HDAC4: variants seen among roughly 807,000 people sequenced by gnomAD.
HDAC4 encodes histone deacetylase 4, also known as histone deacetylase A.
In HDAC4, 16 loss-of-function variants were observed where a neutral mutation model predicts 135.1. That is an observed-to-expected ratio of 0.12 (90% CI 0.08 to 0.18). The LOEUF (loss-of-function observed/expected upper bound fraction) is 0.18, where lower values mean the gene tolerates loss of function less well. Among genes scored for constraint, HDAC4 ranks in the 10% least tolerant of loss-of-function variants. The pLI, the probability that HDAC4 is intolerant of heterozygous loss-of-function variation, is 1.00. For missense variants in HDAC4, 1,143 were observed against 1,511.8 expected, an observed-to-expected ratio of 0.76 and a Z score of 4.05; for synonymous variants, 685 against 653.4, an observed-to-expected ratio of 1.05 and a Z score of -0.74.
intron 2 of HDAC4, among the ~76,000 whole-genome samples, chr2:239,334,315 T>A (rs1691775487): frequency 1.3e-5 from 2 of 151,062 alleles, no homozygotes; most frequent in South Asian, 4.2e-4. Context: ...AGGTCAGGAG[T>A]TCGAGACCAG....
intron 1 of HDAC4, among the ~76,000 whole-genome samples, chr2:239,381,833 C>A (rs1193428426): frequency 6.6e-6 from 1 of 152,198 alleles, no homozygotes; most frequent in Non-Finnish European, 1.5e-5. Flanking sequence ...TGACAAATGT[C>A]CCCTGGGGGA....
chr2:239,126,746 A>C, intron 11 of HDAC4, 52 bp from the exon 12 acceptor site: 14 of 1,570,368 alleles, frequency 8.9e-6, no homozygotes, highest in Non-Finnish European at 1.2e-5. Flanking sequence ...AGAAGAGAGG[A>C]GGGAGAGAGG....
At chr2:239,171,800 C>T (rs1017125285) in intron 5 of HDAC4, among the ~76,000 whole-genome samples, 8 of 152,148 alleles carry the variant, frequency 5.3e-5, no homozygotes, top group Non-Finnish European at 4.4e-5. Flanking sequence ...ATGGACAGCT[C>T]ATTTCTGGAG....
rs989185323 is a variant in HDAC4, at chr2:239,117,512, A to G, written c.1534-2202T>C. The stretch of plus-strand genomic sequence containing the variant: ...AGCCAGAAAAGGGATGAATGTGAGC[A>G]GAGCAAAGGCTGGAGTTGAGAACAA... On this transcript the variant is annotated intron_variant, in intron 12 of 26. Transcript: ENST00000543185. 2.2e-4 allele frequency among the ~76,000 whole-genome samples: 33 copies of G among 148,390 alleles called. 1 individual carries two copies. The highest frequency in any genetic ancestry group is 7.7e-4 in the African/African-American group (31 of 40,394).
chr2:239,344,563 C>T (rs991835527), intron 2 of HDAC4, among the ~76,000 whole-genome samples: 1 of 152,092 alleles, frequency 6.6e-6, no homozygotes, highest in African/African-American at 2.4e-5. Context: ...AAAAATAAGT[C>T]CTTATGTCTA....
intron 1 of HDAC4, among the ~76,000 whole-genome samples, chr2:239,383,344 C>G (rs1289920576): frequency 6.6e-6 from 1 of 152,194 alleles, no homozygotes; most frequent in Non-Finnish European, 1.5e-5. Flanking sequence ...GGAGGCTGGA[C>G]AAACGTCAGT....
At chr2:239,130,446 G>A (rs2040494085) in intron 11 of HDAC4, among the ~76,000 whole-genome samples, 1 of 152,212 alleles carries the variant, frequency 6.6e-6, no homozygotes, top group African/African-American at 2.4e-5. Flanking sequence ...AGCTCAGGAA[G>A]GCTACGTAGC....
At chr2:239,392,627 C>T (rs1040258696) in intron 1 of HDAC4, among the ~76,000 whole-genome samples, 9 of 152,188 alleles carry the variant, frequency 5.9e-5, no homozygotes. Flanking sequence ...TCCACAGCCC[C>T]CAGAGGTGGA....
At chr2:239,346,185 C>G (rs577140485) in intron 2 of HDAC4, among the ~76,000 whole-genome samples, 1,486 of 138,812 alleles carry the variant, frequency 0.011, 29 homozygotes, top group African/African-American at 0.038. Flanking sequence ...CACACACACC[C>G]TGTCTAAAAC....
intron 1 of HDAC4, among the ~76,000 whole-genome samples, chr2:239,384,089 C>T (rs1033436237): frequency 6.6e-5 from 10 of 152,334 alleles, no homozygotes; most frequent in African/African-American, 2.4e-4. Flanking sequence ...GGGCAACCCT[C>T]CATCGTGCTC....
chr2:239,398,082 C>CTA (rs1463129884), intron 1 of HDAC4, among the ~76,000 whole-genome samples: 3 of 3,576 alleles, frequency 8.4e-4, no homozygotes, highest in Non-Finnish European at 1.3e-3. Context: ...CCATCCCCAG[C>CTA]TAGTCATCAA....
At chr2:239,330,585 G>A (rs1288812063) in intron 2 of HDAC4, among the ~76,000 whole-genome samples, 1 of 152,356 alleles carries the variant, frequency 6.6e-6, no homozygotes, top group South Asian at 2.1e-4. Flanking sequence ...CCACGTGGCA[G>A]AAGTGGCACA....
chr2:239,337,264 T>G (rs1460120306), intron 2 of HDAC4, among the ~76,000 whole-genome samples: 2 of 152,098 alleles, frequency 1.3e-5, no homozygotes, highest in Admixed American at 1.3e-4. Context: ...CAGATGCACG[T>G]GAGACTCAGC....
chr2:239,314,307 G>A (rs555202225), intron 2 of HDAC4, among the ~76,000 whole-genome samples: 1 of 152,322 alleles, frequency 6.6e-6, no homozygotes, highest in Non-Finnish European at 1.5e-5. Context: ...ATCAGGCACT[G>A]ACCCAAAACA....
intron 2 of HDAC4, among the ~76,000 whole-genome samples, chr2:239,256,490 G>T (rs1411954525): frequency 1.3e-5 from 2 of 152,250 alleles, no homozygotes; most frequent in Non-Finnish European, 2.9e-5. Context: ...GCGGGTTCCA[G>T]CCCCTCCCAG....
At chr2:239,196,795 C>T (rs550881605) in intron 3 of HDAC4, among the ~76,000 whole-genome samples, 102 of 152,264 alleles carry the variant, frequency 6.7e-4, no homozygotes, top group Non-Finnish European at 1.3e-3. Context: ...TGAGTGACCT[C>T]GGGGAATCGA....
intron 24 of HDAC4, among the ~76,000 whole-genome samples, chr2:239,059,774 C>T (rs1276604764): frequency 6.6e-6 from 1 of 152,146 alleles, no homozygotes; most frequent in South Asian, 2.1e-4. Context: ...CCTAGGGAGC[C>T]AGCTACCACC....
At chr2:239,293,930 CCTAGAACTCTAAA>C (rs1383469837) in intron 2 of HDAC4, among the ~76,000 whole-genome samples, 1 of 152,232 alleles carries the variant, frequency 6.6e-6, no homozygotes, top group Non-Finnish European at 1.5e-5. Flanking sequence ...CTGTTAGGGC[CCTAGAACTCTAAA>C]AGTAACAGGA....
rs571903989 is a variant in HDAC4, at chr2:239,303,850, G to T, written c.22+48828C>A. 2.0e-5 allele frequency among the ~76,000 whole-genome samples: 3 copies of T among 152,106 alleles called. No individual in the cohort carries two copies. Among genetic ancestry groups the T allele is most frequent in the African/African-American group, 7.2e-5 (3 of 41,422 alleles). Reference sequence around the variant, plus strand: ...AAGCCCCGTGCCAAGGGCTTCTCCGGGACCCCAGATACCCACCAGACCCTA... The same window carrying T: ...AAGCCCCGTGCCAAGGGCTTCTCCGTGACCCCAGATACCCACCAGACCCTA... On this transcript the variant is annotated intron_variant, in intron 2 of 26. Coordinates refer to ENST00000543185, the MANE Select transcript of HDAC4 (RefSeq NM_001378414.1). This position sits in a 1 kb window ranked among gnomAD's most constrained non-coding sequence, Gnocchi z 5.1.
Sources: gnomAD v4.1 joint callset for allele counts (sites outside exome capture counted in the v4.1 genomes callset) on GRCh38, gnomAD v4.1.1 for gene constraint, Gnocchi (gnomAD v3.1) non-coding constraint, MANE v1.5 for transcripts, NCBI Gene and HGNC (gene_info 2026-07-23, HGNC 2026-07-21) for gene names.